Variants in OPRD1 observed in about 807,000 individuals in gnomAD.
OPRD1 encodes delta-type opioid receptor.
In OPRD1, 19 loss-of-function variants were observed where a neutral mutation model predicts 17.5. That is an observed-to-expected ratio of 1.09 (90% CI 0.76 to 1.60). The LOEUF (loss-of-function observed/expected upper bound fraction) is 1.60. OPRD1 is among the 40% of genes most tolerant of loss of function. The pLI is 0.00. For synonymous variants in OPRD1, 256 were observed against 240.9 expected, an observed-to-expected ratio of 1.06 and a Z score of -0.58; for missense variants, 483 against 547.2, an observed-to-expected ratio of 0.88 and a Z score of 1.17.
chr1:28,845,895 C>T (rs1456725715), intron 1 of OPRD1, among the ~76,000 whole-genome samples: 2 of 152,206 alleles, frequency 1.3e-5, no homozygotes, highest in African/African-American at 2.4e-5. Flanking sequence ...CTGCCTTGTG[C>T]TCCATCTGGC....
chr1:28,823,871 T>C (rs2088738178), intron 1 of OPRD1, among the ~76,000 whole-genome samples: 1 of 150,952 alleles, frequency 6.6e-6, no homozygotes, highest in Non-Finnish European at 1.5e-5. Flanking sequence ...TTCAAGGTCC[T>C]GTGAGGTCAA....
At chr1:28,843,711 C>T (rs768434375) in intron 1 of OPRD1, among the ~76,000 whole-genome samples, 19 of 151,266 alleles carry the variant, frequency 1.3e-4, no homozygotes, top group Non-Finnish European at 2.2e-4. Flanking sequence ...ACCTCAACTT[C>T]GGGGTCAAGC....
chr1:28,855,352 C>T (rs570994200), intron 1 of OPRD1, among the ~76,000 whole-genome samples: 2 of 152,096 alleles, frequency 1.3e-5, no homozygotes, highest in African/African-American at 4.8e-5. Context: ...ATCAAAGAGG[C>T]CAGTGTGTGG....
chr1:28,862,659 T>TA, intron 2 of OPRD1, 83 bp from the exon 3 acceptor site: 1 of 1,376,024 alleles, frequency 7.3e-7, no homozygotes. Context: ...GCCCAAGCCT[T>TA]GAAAGGGTGG....
Position 28,847,214 on chromosome 1 carries a change from G to C in OPRD1, c.228-11740G>C, listed in dbSNP as rs112249679. On this transcript the variant is annotated intron_variant, in intron 1 of 2. Coordinates refer to ENST00000234961, the MANE Select transcript of OPRD1 (RefSeq NM_000911.4). ...TTACAGGTGCCCGCCACCATGCCCA[G>C]CTAATTTTTATGTTTTTAATAGAGA... Among the ~76,000 whole-genome samples, 3 of 152,138 alleles carry C rather than the reference G, an allele frequency of 2.0e-5. 1 individual carries two copies. The highest frequency in any genetic ancestry group is 7.2e-5 in the African/African-American group (3 of 41,518).
rs1201101975 is a variant in OPRD1 at position 28,865,746 on chromosome 1, C to G, written c.*2463C>G. 1 of 152,068 alleles carries G rather than the reference C, an allele frequency of 6.6e-6. No homozygotes were observed. The highest frequency in any genetic ancestry group is 2.4e-5 in the African/African-American group (1 of 41,414). 9.4% of individuals were successfully genotyped at this position (152,068 alleles called of 1,614,324 possible). ...ACCCCTGTGTCTGAGGGTGGGAGGTCGTCAGCATGGCAGGAGACACTTCTC... is the reference window on the plus strand; with the variant it reads ...ACCCCTGTGTCTGAGGGTGGGAGGTGGTCAGCATGGCAGGAGACACTTCTC... On this transcript the variant is annotated 3_prime_UTR_variant, in exon 3 of 3. Coordinates refer to ENST00000234961, the MANE Select transcript of OPRD1 (RefSeq NM_000911.4).
In OPRD1 at chr1:28,812,330, C is replaced by G; in HGVS notation, c.-54C>G. ...CCTTGCCGCTCCCCTCGCGTCGGATCCCCGCGCCCAGGGCGCACGGTGGAG... is the reference window on the plus strand; with the variant it reads ...CCTTGCCGCTCCCCTCGCGTCGGATGCCCGCGCCCAGGGCGCACGGTGGAG... On this transcript the variant is annotated 5_prime_UTR_variant, in exon 1 of 3. In the 5' UTR this introduces an upstream ATG that the reference lacks. Coordinates refer to ENST00000234961, the MANE Select transcript of OPRD1 (RefSeq NM_000911.4). 9 of 1,215,632 alleles carry G rather than the reference C, an allele frequency of 7.4e-6. No homozygotes were observed. Among genetic ancestry groups the G allele is most frequent in the Non-Finnish European group, 9.3e-6 (9 of 965,352 alleles). 75.3% of individuals were successfully genotyped at this position (1,215,632 alleles called of 1,614,324 possible).
At position 28,847,070 on chromosome 1, in the gene OPRD1, C is replaced by CCCTTTCCTTTCT. The variant is rs1440471052; in HGVS notation, c.228-11884_228-11883insCCTTTCCTTTCT. Among the ~76,000 whole-genome samples the CCCTTTCCTTTCT allele has an allele frequency of 2.7e-5, 4 of 150,384 alleles. No individual in the cohort carries two copies. The East Asian group carries it at 5.8e-4, about 22-fold the overall frequency. ...CCCCTTTCCTGTCCCCTTTCCTTTC[C>CCCTTTCCTTTCT]GACGGAGTTTGGCTCTTGTGGCCCA... On this transcript the variant is annotated intron_variant, in intron 1 of 2. Transcript: ENST00000234961.
In OPRD1 at chr1:28,870,428, A is replaced by G; in HGVS notation, c.*7145A>G. ...CCGGCTAATTTTGTATTTTTAGTAG[A>G]GACGGGGTTTCGCCGTGTTGGCCAG... On this transcript the variant is annotated 3_prime_UTR_variant, in exon 3 of 3. Transcript: ENST00000234961. 1 of 151,906 alleles carries G rather than the reference A, an allele frequency of 6.6e-6. No homozygotes were observed. Among genetic ancestry groups the G allele is most frequent in the East Asian group, 1.9e-4 (1 of 5,168 alleles). The allele number at this position is 151,906 out of a possible 1,614,324, so 9.4% of individuals were successfully genotyped here. A position where few individuals can be genotyped will look rare whatever the true frequency, so the allele number is the denominator to read the frequency against.
rs1367655110 is a variant in OPRD1 at position 28,869,847 on chromosome 1, CA to C, written c.*6570del. ...GCAGCAGAGGCACGTGCCAGCTGCT[CA>C]AAAAACTGCTGTAACCTTGGTAGAT... On this transcript the variant is annotated 3_prime_UTR_variant, in exon 3 of 3. Transcript: ENST00000234961. 6.6e-6 allele frequency: 1 copy of C among 152,156 alleles called. No homozygotes were observed. Among genetic ancestry groups the C allele is most frequent in the Non-Finnish European group, 1.5e-5 (1 of 68,028 alleles). 9.4% of individuals were successfully genotyped at this position (152,156 alleles called of 1,614,324 possible).
At chr1:28,839,337 C>T (rs1041657827) in intron 1 of OPRD1, among the ~76,000 whole-genome samples, 2 of 152,166 alleles carry the variant, frequency 1.3e-5, no homozygotes, top group Admixed American at 6.5e-5. Context: ...CTTACAAGGA[C>T]ACTTGTTGCT....
At chr1:28,836,343 G>T (rs756614253) in intron 1 of OPRD1, among the ~76,000 whole-genome samples, 3 of 151,896 alleles carry the variant, frequency 2.0e-5, no homozygotes, top group Non-Finnish European at 4.4e-5. Flanking sequence ...GTGATACCCC[G>T]TCTCCACTAA....
At chr1:28,842,538 T>A (rs933915353) in intron 1 of OPRD1, among the ~76,000 whole-genome samples, 1 of 152,090 alleles carries the variant, frequency 6.6e-6, no homozygotes, top group Non-Finnish European at 1.5e-5. Flanking sequence ...GAAAGAAAAT[T>A]AATAGAGGTG....
Position 28,817,999 on chromosome 1 carries a change from C to T in OPRD1, c.227+5389C>T, listed in dbSNP as rs141541727. ...CCTCCCAAAGTGCTGGGATTATAGG[C>T]GTGAGCCGCTGCGCCTGGCTCATTT... On this transcript the variant is annotated intron_variant, in intron 1 of 2. Coordinates refer to ENST00000234961, the MANE Select transcript of OPRD1 (RefSeq NM_000911.4). Among the ~76,000 whole-genome samples, 405 of 152,152 alleles carry T rather than the reference C, an allele frequency of 2.7e-3. 3 individuals are homozygous for T. The highest frequency in any genetic ancestry group is 8.9e-3 in the African/African-American group (370 of 41,518).
At position 28,812,606 on chromosome 1, in the gene OPRD1, G is replaced by T. The variant is rs1205082434; in HGVS notation, c.223G>T (p.Val75Phe). 3 of 1,509,828 alleles carry T rather than the reference G, an allele frequency of 2.0e-6. No homozygotes were observed. Among genetic ancestry groups the T allele is most frequent in the Non-Finnish European group, 2.7e-6 (3 of 1,131,690 alleles). The allele number at this position is 1,509,828 out of a possible 1,614,324, so 93.5% of individuals were successfully genotyped here. Residue 75 changes from valine (V) to phenylalanine (F), a missense_variant, in exon 1 of 3, where the codon GTC (valine) becomes TTC (phenylalanine). Transcript: ENST00000234961. The stretch of plus-strand genomic sequence containing the variant: ...CAACGTGCTTGTCATGTTCGGCATC[G>T]TCCGGTGAGTCCGCTGCGGGCCGGC... Reference protein sequence around the residue: ...LGNVLVMFGIVRYTKMKTATN... With the variant: ...LGNVLVMFGIFRYTKMKTATN...
chr1:28,841,922 T>G (rs1430511679), intron 1 of OPRD1, among the ~76,000 whole-genome samples: 1 of 150,472 alleles, frequency 6.6e-6, no homozygotes, highest in East Asian at 2.0e-4. Flanking sequence ...TGGGCTTTCA[T>G]TATGTTGGCC....
At chr1:28,845,462 G>C (rs930665189) in intron 1 of OPRD1, among the ~76,000 whole-genome samples, 3 of 143,962 alleles carry the variant, frequency 2.1e-5, no homozygotes, top group African/African-American at 7.6e-5. Flanking sequence ...CTGGGCGACA[G>C]AGTGAGACTC....
At chr1:28,837,379 G>C (rs1369037401) in intron 1 of OPRD1, among the ~76,000 whole-genome samples, 1 of 152,158 alleles carries the variant, frequency 6.6e-6, no homozygotes, top group Non-Finnish European at 1.5e-5. Context: ...ACCAGGTGCA[G>C]TGGCTCACAC....
intron 1 of OPRD1, among the ~76,000 whole-genome samples, chr1:28,831,479 A>C (rs951024746): frequency 1.3e-5 from 2 of 150,060 alleles, no homozygotes; most frequent in Admixed American, 6.7e-5. Flanking sequence ...ACTGCACTCC[A>C]GCCTGGGCGA....
Sources: gnomAD v4.1 joint callset for allele counts (sites outside exome capture counted in the v4.1 genomes callset) on GRCh38, gnomAD v4.1.1 for gene constraint, MANE v1.5 for transcripts, NCBI Gene and HGNC (gene_info 2026-07-23, HGNC 2026-07-21) for gene names.